INPP4B: variants seen among roughly 807,000 people sequenced by gnomAD.
INPP4B encodes the protein inositol polyphosphate-4-phosphatase type II B, also known as inositol polyphosphate 4-phosphatase type II.
In INPP4B, 55 loss-of-function variants were observed where a neutral mutation model predicts 122.5. The ratio of observed to expected loss-of-function variants is 0.45; its 90% confidence interval spans 0.36 to 0.56. INPP4B has a LOEUF of 0.56. Among genes scored for constraint, INPP4B ranks in the 20% least tolerant of loss-of-function variants. INPP4B has a pLI of 0.00. For synonymous variants in INPP4B, 403 were observed against 388.7 expected, an observed-to-expected ratio of 1.04 and a Z score of -0.43; for missense variants, 1,000 against 1,097.7, an observed-to-expected ratio of 0.91 and a Z score of 1.26.
intron 25 of INPP4B, among the ~76,000 whole-genome samples, chr4:142,065,909 C>T (rs1373594536): frequency 1.3e-5 from 2 of 152,102 alleles, no homozygotes; most frequent in Admixed American, 6.6e-5. Flanking sequence ...TCCATGCACT[C>T]CCTGGGTGCA....
intron 2 of INPP4B, among the ~76,000 whole-genome samples, chr4:142,702,028 A>T (rs1171481405): frequency 6.6e-6 from 1 of 152,304 alleles, no homozygotes; most frequent in East Asian, 1.9e-4. Flanking sequence ...GCTCCCACTC[A>T]CACTGAAGCT....
At chr4:142,415,181 T>C (rs1579995198) in intron 5 of INPP4B, among the ~76,000 whole-genome samples, 1 of 152,234 alleles carries the variant, frequency 6.6e-6, no homozygotes, top group East Asian at 1.9e-4. Flanking sequence ...CATGAGTGGA[T>C]TCAGCAGTGC....
intron 2 of INPP4B, among the ~76,000 whole-genome samples, chr4:142,513,636 G>A (rs189594526): frequency 1.3e-5 from 2 of 152,218 alleles, no homozygotes; most frequent in East Asian, 3.9e-4. Flanking sequence ...TAGAACTCCT[G>A]ACCTCAGGTG....
chr4:142,828,318 C>A (rs1379482839), intron 1 of INPP4B, among the ~76,000 whole-genome samples: 1 of 151,996 alleles, frequency 6.6e-6, no homozygotes, highest in Non-Finnish European at 1.5e-5. Context: ...ATAGCTTACA[C>A]AATACTCAAA....
chr4:142,660,280 A>G (rs1580651356), intron 2 of INPP4B, among the ~76,000 whole-genome samples: 1 of 152,162 alleles, frequency 6.6e-6, no homozygotes, highest in African/African-American at 2.4e-5. Context: ...AGAGGGAAAG[A>G]GGATGCTGTT....
At chr4:142,091,941 A>G (rs1779733320) in intron 23 of INPP4B, among the ~76,000 whole-genome samples, 1 of 152,148 alleles carries the variant, frequency 6.6e-6, no homozygotes, top group South Asian at 2.1e-4. Context: ...CACTTCCCAC[A>G]CTAAGTGGCA....
At chr4:142,120,417 A>G (rs1393427925) in intron 21 of INPP4B, among the ~76,000 whole-genome samples, 3 of 152,096 alleles carry the variant, frequency 2.0e-5, no homozygotes, top group African/African-American at 7.2e-5. Context: ...TAGATCAATT[A>G]TGGAGAATTA....
chr4:142,226,885 T>C (rs1851830836), intron 12 of INPP4B, among the ~76,000 whole-genome samples: 1 of 152,100 alleles, frequency 6.6e-6, no homozygotes, highest in African/African-American at 2.4e-5. Flanking sequence ...AACTGTTGGG[T>C]AGGCAGAGGG....
At chr4:142,405,065 C>A (rs1018884021) in intron 6 of INPP4B, 141 bp downstream of exon 6, 6 of 590,770 alleles carry the variant, frequency 1.0e-5, no homozygotes, top group Non-Finnish European at 1.5e-5. Context: ...TTGCTACAGA[C>A]TATGAACTAA....
intron 22 of INPP4B, among the ~76,000 whole-genome samples, chr4:142,110,827 A>C (rs1789649016): frequency 1.3e-5 from 2 of 152,192 alleles, no homozygotes; most frequent in Admixed American, 6.6e-5. Flanking sequence ...GATGCAAATT[A>C]GTCCATCTTA....
intron 25 of INPP4B, among the ~76,000 whole-genome samples, chr4:142,075,144 G>A (rs781727390): frequency 6.6e-6 from 1 of 151,990 alleles, no homozygotes; most frequent in African/African-American, 2.4e-5. Flanking sequence ...AATTTCAAAT[G>A]TGTTTCTCCA....
intron 18 of INPP4B, among the ~76,000 whole-genome samples, chr4:142,138,938 C>T (rs1230413622): frequency 2.0e-5 from 3 of 152,158 alleles, no homozygotes; most frequent in African/African-American, 2.4e-5. Flanking sequence ...AGATTTTGCT[C>T]ATCTTTTCTT....
chr4:142,385,258 A>G (rs1243098909), intron 7 of INPP4B, among the ~76,000 whole-genome samples: 1 of 152,038 alleles, frequency 6.6e-6, no homozygotes, highest in Non-Finnish European at 1.5e-5. Context: ...TCTCTGCAAC[A>G]TTGCCAGCAT....
chr4:142,431,165 T>C lies in INPP4B; in HGVS notation c.91+4A>G. On this transcript the variant is annotated splice_donor_region_variant and intron_variant, in intron 4 of 25. Coordinates refer to ENST00000262992, the MANE Select transcript of INPP4B (RefSeq NM_001101669.3). The stretch of plus-strand genomic sequence containing the variant: ...AAAACAGGGAGGGATACACACATAC[T>C]TACTTGTGAACTGACAGTCCCCGGG... 1 of 1,610,980 alleles carries C rather than the reference T, an allele frequency of 6.2e-7. No individual in the cohort carries two copies. The highest frequency in any genetic ancestry group is 8.5e-7 in the Non-Finnish European group (1 of 1,177,468).
At chr4:142,246,074 CACACATTATATATATGTGTGTGTGTAT>C (rs1561601913) in intron 11 of INPP4B, among the ~76,000 whole-genome samples, 1 of 139,818 alleles carries the variant, frequency 7.2e-6, no homozygotes, top group Non-Finnish European at 1.5e-5. Flanking sequence ...TGTGTGTATA[CACACATTATATATATGTGTGTGTGTAT>C]ACACACATAT....
intron 15 of INPP4B, among the ~76,000 whole-genome samples, chr4:142,174,674 T>C (rs190525398): frequency 1.3e-5 from 2 of 151,984 alleles, no homozygotes; most frequent in South Asian, 2.1e-4. Context: ...ACCCAGGCTG[T>C]AGTACAGTGG....
At chr4:142,662,273 G>C (rs1755335845) in intron 2 of INPP4B, among the ~76,000 whole-genome samples, 1 of 151,852 alleles carries the variant, frequency 6.6e-6, no homozygotes, top group Admixed American at 6.6e-5. Context: ...GGGAGAGGTT[G>C]AACAAAGTTT....
chr4:142,655,737 G>T (rs1754006292), intron 2 of INPP4B, among the ~76,000 whole-genome samples: 1 of 152,172 alleles, frequency 6.6e-6, no homozygotes, highest in East Asian at 1.9e-4. Context: ...TGGTTATTTT[G>T]ATTTGTGTAC....
chr4:142,225,568 C>G (rs1579349336), intron 12 of INPP4B, among the ~76,000 whole-genome samples: 1 of 149,166 alleles, frequency 6.7e-6, no homozygotes, highest in African/African-American at 2.4e-5. Flanking sequence ...ATATATTATA[C>G]AATTTAAGAA....
Sources: gnomAD v4.1 joint callset for allele counts (sites outside exome capture counted in the v4.1 genomes callset) on GRCh38, gnomAD v4.1.1 for gene constraint, MANE v1.5 for transcripts, NCBI Gene and HGNC (gene_info 2026-07-23, HGNC 2026-07-21) for gene names.